The following DNAAF9 variants were observed in gnomAD, a reference collection of about 807,000 sequenced individuals.
DNAAF9 encodes the protein shulin.
Under a neutral mutation model 167.0 loss-of-function variants are expected in DNAAF9, and 90 were observed. The observed-to-expected ratio is 0.54, with a 90% CI of 0.45 to 0.64. DNAAF9 has a LOEUF of 0.64. DNAAF9 is among the 30% of genes least tolerant of loss of function. The pLI is 0.00. For synonymous variants in DNAAF9, 491 were observed against 508.8 expected (o/e 0.96, Z 0.47); for missense variants, 1,315 against 1,442.2 (o/e 0.91, Z 1.43).
intron 21 of DNAAF9, among the ~76,000 whole-genome samples, chr20:3,299,072 C>A (rs2069137086): frequency 6.6e-6 from 1 of 151,260 alleles, no homozygotes; most frequent in Non-Finnish European, 1.5e-5. Flanking sequence ...CCATGCCCGG[C>A]TAATGCTTAT....
chr20:3,373,160 C>T (rs904686420), intron 6 of DNAAF9, among the ~76,000 whole-genome samples: 4 of 152,210 alleles, frequency 2.6e-5, no homozygotes, highest in African/African-American at 9.6e-5. Flanking sequence ...TGCTCCATTT[C>T]AGAGGATGTG....
chr20:3,392,161 T>C (rs2083835905), intron 1 of DNAAF9, among the ~76,000 whole-genome samples: 1 of 152,102 alleles, frequency 6.6e-6, no homozygotes. Context: ...AGTGAGACTC[T>C]TATCTACAAA....
chr20:3,336,860 T>C (rs2069963897), intron 10 of DNAAF9, among the ~76,000 whole-genome samples: 1 of 150,842 alleles, frequency 6.6e-6, no homozygotes, highest in Admixed American at 6.6e-5. Flanking sequence ...ACTTTAAAAA[T>C]CTCAATTTGG....
In DNAAF9 at chr20:3,322,818, C is replaced by T. The variant is rs185784212; in HGVS notation, c.1266-122G>A. On this transcript the variant is annotated intron_variant, in intron 14 of 36. Coordinates refer to ENST00000252032, the MANE Select transcript of DNAAF9 (RefSeq NM_001009984.3). ...TGAGGTGTGTGTCATCCTTGCTTTA[C>T]ACAGATTTACCCTATTTTGGATACT... The T allele has an allele frequency of 3.4e-4, 268 of 781,226 alleles. No homozygotes were observed. The African/African-American group carries it at 4.0e-3, about 12-fold the overall frequency. 48.4% of individuals were successfully genotyped at this position (781,226 alleles called of 1,614,324 possible). A position where few individuals can be genotyped will look rare whatever the true frequency, so the allele number is the denominator to read the frequency against.
At chr20:3,266,705 C>T (rs1451720454) in intron 30 of DNAAF9, among the ~76,000 whole-genome samples, 2 of 152,006 alleles carry the variant, frequency 1.3e-5, no homozygotes, top group Non-Finnish European at 2.9e-5. Flanking sequence ...TCTCGATCTC[C>T]TGACCTTGTG....
intron 4 of DNAAF9, among the ~76,000 whole-genome samples, 195 bp from the exon 5 acceptor site, chr20:3,375,321 C>A (rs79214742): frequency 0.035 from 5,316 of 152,094 alleles, 146 homozygotes; most frequent in African/African-American, 0.074. Context: ...TCATATTATA[C>A]CCAAAAATCA....
chr20:3,263,558 T>C (rs1357944811), intron 31 of DNAAF9, among the ~76,000 whole-genome samples: 2 of 152,194 alleles, frequency 1.3e-5, no homozygotes, highest in African/African-American at 4.8e-5. Context: ...AAGCTATAAA[T>C]TGTCAAGTCA....
intron 33 of DNAAF9, among the ~76,000 whole-genome samples, chr20:3,258,780 T>TGG (rs1186535863): frequency 1.3e-5 from 2 of 151,960 alleles, no homozygotes; most frequent in Non-Finnish European, 2.9e-5. Flanking sequence ...GCTAGCTGAG[T>TGG]GGGGGTTCTC....
At chr20:3,329,071 T>C (rs1181487045) in intron 12 of DNAAF9, among the ~76,000 whole-genome samples, 1 of 152,118 alleles carries the variant, frequency 6.6e-6, no homozygotes. Flanking sequence ...GGTTTTGCCA[T>C]GTTGGCCAGG....
At chr20:3,394,136 G>A (rs1219458077) in intron 1 of DNAAF9, among the ~76,000 whole-genome samples, 1 of 151,998 alleles carries the variant, frequency 6.6e-6, no homozygotes, top group Non-Finnish European at 1.5e-5. Flanking sequence ...CCAGACGTTC[G>A]AGACCAGCCT....
chr20:3,286,690 C>T (rs955642980), intron 27 of DNAAF9, among the ~76,000 whole-genome samples: 25 of 152,130 alleles, frequency 1.6e-4, no homozygotes, highest in African/African-American at 5.3e-4. Context: ...TAGGGTACAC[C>T]GTCCCACCTG....
chr20:3,319,424 A>G (rs1263967689), intron 16 of DNAAF9, among the ~76,000 whole-genome samples: 1 of 152,186 alleles, frequency 6.6e-6, no homozygotes, highest in Non-Finnish European at 1.5e-5. Flanking sequence ...GGTAAAAACT[A>G]GTGAAAATGA....
chr20:3,295,159 G>A (rs943037729), intron 23 of DNAAF9, among the ~76,000 whole-genome samples: 7 of 149,134 alleles, frequency 4.7e-5, no homozygotes, highest in African/African-American at 1.5e-4. Flanking sequence ...ATGAGCCACC[G>A]CACCCAGCTC....
intron 29 of DNAAF9, among the ~76,000 whole-genome samples, chr20:3,271,078 G>C (rs1332180209): frequency 6.6e-6 from 1 of 152,032 alleles, no homozygotes; most frequent in Non-Finnish European, 1.5e-5. Context: ...CTCCCAAAGT[G>C]CTGGGATTAC....
chr20:3,320,842 T>C (rs759501783), intron 16 of DNAAF9, among the ~76,000 whole-genome samples: 2 of 152,192 alleles, frequency 1.3e-5, no homozygotes, highest in African/African-American at 2.4e-5. Context: ...CTCACCCAGT[T>C]CCCTGGGACC....
chr20:3,315,628 G>T lies in DNAAF9; in HGVS notation c.1590+107C>A, dbSNP rs2069488125. 2 of 880,556 alleles carry T rather than the reference G, an allele frequency of 2.3e-6. No homozygotes were observed. Among genetic ancestry groups the T allele is most frequent in the African/African-American group, 1.7e-5 (1 of 60,492 alleles). 54.5% of individuals were successfully genotyped at this position (880,556 alleles called of 1,614,324 possible). On this transcript the variant is annotated intron_variant, in intron 19 of 36. Transcript: ENST00000252032. The surrounding 1 kb of genome is among the most constrained non-coding windows in gnomAD (Gnocchi z 4.1). ...AAATAGGAAGTGAAGACAACATAGT[G>T]CAAGTCTTTTAGATTAGTAGTGAGA...
intron 11 of DNAAF9, among the ~76,000 whole-genome samples, 188 bp from the exon 12 acceptor site, chr20:3,330,870 C>T (rs2069814744): frequency 6.6e-6 from 1 of 150,670 alleles, no homozygotes; most frequent in East Asian, 2.0e-4. Context: ...CGGCTCACTG[C>T]AACCTCCGCC....
intron 1 of DNAAF9, among the ~76,000 whole-genome samples, chr20:3,389,731 AT>A (rs950770079): frequency 2.0e-5 from 3 of 150,078 alleles, no homozygotes; most frequent in African/African-American, 7.4e-5. Context: ...TGAACTTTAA[AT>A]TTTTTTTAGA....
chr20:3,270,128 C>T (rs1376847110), intron 30 of DNAAF9, among the ~76,000 whole-genome samples: 8 of 143,680 alleles, frequency 5.6e-5, no homozygotes, highest in Middle Eastern at 3.3e-3. Flanking sequence ...GCCATTGTGC[C>T]CAGCCTGCTT....
Sources: allele counts gnomAD v4.1 joint callset (sites outside exome capture counted in the v4.1 genomes callset), GRCh38; gene constraint gnomAD v4.1.1; non-coding constraint Gnocchi (gnomAD v3.1); transcripts MANE v1.5; gene names NCBI Gene and HGNC (gene_info 2026-07-23, HGNC 2026-07-21).